Variants in AGAP1 observed in about 807,000 individuals in gnomAD.
AGAP1 encodes the protein arf-GAP with GTPase, ANK repeat and PH domain-containing protein 1.
Under a neutral mutation model 105.3 loss-of-function variants are expected in AGAP1, and 29 were observed. That is an observed-to-expected ratio of 0.28 (90% CI 0.21 to 0.38). The LOEUF (loss-of-function observed/expected upper bound fraction) is 0.38, where lower values mean the gene tolerates loss of function less well. Ranked by LOEUF, AGAP1 falls within the 10% of genes least tolerant of loss-of-function variation. The pLI, the probability that AGAP1 is intolerant of heterozygous loss-of-function variation, is 1.00. For synonymous variants in AGAP1, 509 were observed against 485.9 expected (o/e 1.05, Z -0.63); for missense variants, 998 against 1,165.1 (o/e 0.86, Z 2.09).
intron 16 of AGAP1, among the ~76,000 whole-genome samples, chr2:236,071,825 C>G (rs3768942): frequency 0.15 from 23,265 of 152,164 alleles, 2,354 homozygotes; most frequent in African/African-American, 0.28. Flanking sequence ...TCTGGAAGCT[C>G]CCAGCAGCCT....
intron 1 of AGAP1, among the ~76,000 whole-genome samples, chr2:235,697,473 G>A (rs1950050040): frequency 1.3e-5 from 2 of 152,192 alleles, no homozygotes; most frequent in Non-Finnish European, 2.9e-5. Flanking sequence ...TGAGTGACAT[G>A]GCAGGGGGGA....
At chr2:236,024,165 G>A (rs1057359079) in intron 13 of AGAP1, among the ~76,000 whole-genome samples, 2 of 151,418 alleles carry the variant, frequency 1.3e-5, no homozygotes, top group Non-Finnish European at 2.9e-5. Context: ...CAAGTAGCTG[G>A]GACTACAGGC....
intron 1 of AGAP1, among the ~76,000 whole-genome samples, chr2:235,539,551 C>A (rs1271975269): frequency 6.6e-6 from 1 of 152,112 alleles, no homozygotes; most frequent in Non-Finnish European, 1.5e-5. Flanking sequence ...ATTTTTTTCT[C>A]TTTCACCTCC....
At chr2:235,542,862 T>TA (rs998501162) in intron 1 of AGAP1, among the ~76,000 whole-genome samples, 10 of 152,176 alleles carry the variant, frequency 6.6e-5, no homozygotes, top group Non-Finnish European at 1.2e-4. Flanking sequence ...GCCCCTCCTG[T>TA]AAAAGGCTCT....
At chr2:236,077,267 C>A (rs1388080264) in intron 16 of AGAP1, among the ~76,000 whole-genome samples, 2 of 150,442 alleles carry the variant, frequency 1.3e-5, no homozygotes, top group African/African-American at 4.9e-5. Flanking sequence ...AATTTAAGAG[C>A]CTTTTTTGGG....
At chr2:235,917,882 A>C (rs960105155) in intron 11 of AGAP1, among the ~76,000 whole-genome samples, 2 of 152,244 alleles carry the variant, frequency 1.3e-5, no homozygotes, top group African/African-American at 4.8e-5. Context: ...AACTGCTCAC[A>C]CTGCAGACGC....
At chr2:235,815,568 G>C (rs778772946) in intron 9 of AGAP1, among the ~76,000 whole-genome samples, 1 of 152,158 alleles carries the variant, frequency 6.6e-6, no homozygotes, top group Non-Finnish European at 1.5e-5. Context: ...TGAGCTCTGT[G>C]TGACCGAGAG....
chr2:235,881,963 TGAAG>T (rs2050044738), intron 9 of AGAP1, among the ~76,000 whole-genome samples: 1 of 152,164 alleles, frequency 6.6e-6, no homozygotes, highest in African/African-American at 2.4e-5. Flanking sequence ...AAATCTGAAA[TGAAG>T]GAAACTGTAA....
At chr2:236,086,999 G>A (rs953163468) in intron 16 of AGAP1, among the ~76,000 whole-genome samples, 3 of 151,968 alleles carry the variant, frequency 2.0e-5, no homozygotes, top group Non-Finnish European at 2.9e-5. Context: ...GCAAACACTC[G>A]GGAAACCCAG....
chr2:235,610,611 C>T lies in AGAP1; in HGVS notation c.164-98568C>T, dbSNP rs950927458. On this transcript the variant is annotated intron_variant, in intron 1 of 17. Coordinates refer to ENST00000304032, the MANE Select transcript of AGAP1 (RefSeq NM_001037131.3). This position sits in a 1 kb window ranked among gnomAD's most constrained non-coding sequence, Gnocchi z 4.9. Reference sequence around the variant, plus strand: ...CCAAAGATCCCACCTCAGATACCATCGCATTGGGGGTTGAGCTTTAAATAC... The same window carrying T: ...CCAAAGATCCCACCTCAGATACCATTGCATTGGGGGTTGAGCTTTAAATAC... Among the ~76,000 whole-genome samples the T allele has an allele frequency of 6.6e-6, 1 of 152,178 alleles. No individual in the cohort carries two copies. The highest frequency in any genetic ancestry group is 1.5e-5 in the Non-Finnish European group (1 of 68,038).
rs1321753753 is a variant in AGAP1 at position 235,934,540 on chromosome 2, A to C, written c.1483+3617A>C. 6.6e-6 allele frequency among the ~76,000 whole-genome samples: 1 copy of C among 152,210 alleles called. No individual in the cohort carries two copies. Among genetic ancestry groups the C allele is most frequent in the Non-Finnish European group, 1.5e-5 (1 of 68,036 alleles). ...ACAACTTCCAGAAAACGTGTTTATG[A>C]ATGGATTTCAAGACTCAGCCTTGGC... On this transcript the variant is annotated intron_variant, in intron 12 of 17. Transcript: ENST00000304032. The surrounding 1 kb of genome is among the most constrained non-coding windows in gnomAD (Gnocchi z 4.9).
At chr2:235,853,072 A>G in intron 9 of AGAP1, 1 of 1,235,428 alleles carries the variant, frequency 8.1e-7, no homozygotes, top group Non-Finnish European at 1.0e-6. Context: ...TCCACAAAGG[A>G]AGGAAATCAA....
At position 235,555,595 on chromosome 2, in the gene AGAP1, G is replaced by A. The variant is rs1943948971; in HGVS notation, c.163+60746G>A. On this transcript the variant is annotated intron_variant, in intron 1 of 17. Coordinates refer to ENST00000304032, the MANE Select transcript of AGAP1 (RefSeq NM_001037131.3). This position sits in a 1 kb window ranked among gnomAD's most constrained non-coding sequence, Gnocchi z 5.1. ...GAAGAGGTAGTCATGTTTGGAGGCC[G>A]GGCTGTGCATGAGCTATGCAGGCCT... Among the ~76,000 whole-genome samples the A allele has an allele frequency of 1.3e-5, 2 of 152,312 alleles. No individual in the cohort carries two copies. The highest frequency in any genetic ancestry group is 2.1e-4 in the South Asian group (1 of 4,826).
chr2:235,707,634 C>G (rs1190488870), intron 1 of AGAP1, among the ~76,000 whole-genome samples: 1 of 139,276 alleles, frequency 7.2e-6, no homozygotes, highest in African/African-American at 2.7e-5. Context: ...GACGTGCTCC[C>G]CAGCATGTGA....
rs977787347 is a variant in AGAP1, at chr2:235,865,867, G to C, written c.1051-17478G>C. On this transcript the variant is annotated intron_variant, in intron 9 of 17. Transcript: ENST00000304032. The surrounding 1 kb of genome is among the most constrained non-coding windows in gnomAD (Gnocchi z 6.2). ...CATCGTGGATGTGAATTTGCCAGAA[G>C]TTTTCCGTTTGTGGAGGACTGGGGA... 4.6e-5 allele frequency among the ~76,000 whole-genome samples: 7 copies of C among 152,156 alleles called. No individual in the cohort carries two copies. Among genetic ancestry groups the C allele is most frequent in the African/African-American group, 1.7e-4 (7 of 41,428 alleles).
At chr2:235,896,349 G>T (rs1021365784) in intron 10 of AGAP1, among the ~76,000 whole-genome samples, 2 of 152,198 alleles carry the variant, frequency 1.3e-5, no homozygotes, top group African/African-American at 4.8e-5. Flanking sequence ...TCCATGGATG[G>T]ACACTTGCTT....
Position 235,701,549 on chromosome 2 carries a change from G to A in AGAP1, c.164-7630G>A, listed in dbSNP as rs1950262001. 6.6e-6 allele frequency among the ~76,000 whole-genome samples: 1 copy of A among 152,176 alleles called. No homozygotes were observed. Among genetic ancestry groups the A allele is most frequent in the South Asian group, 2.1e-4 (1 of 4,826 alleles). On this transcript the variant is annotated intron_variant, in intron 1 of 17. Coordinates refer to ENST00000304032, the MANE Select transcript of AGAP1 (RefSeq NM_001037131.3). This position sits in a 1 kb window ranked among gnomAD's most constrained non-coding sequence, Gnocchi z 4.1. ...TGAGGCTGCTGAAAAGGATCTTTGA[G>A]CCTGAACTTCCAGGGAAGCCTGAAA...
At position 235,519,198 on chromosome 2, in the gene AGAP1, A is replaced by T. The variant is rs564195860; in HGVS notation, c.163+24349A>T. On this transcript the variant is annotated intron_variant, in intron 1 of 17. Coordinates refer to ENST00000304032, the MANE Select transcript of AGAP1 (RefSeq NM_001037131.3). ...AGCAATCCTCCCACCTCAGCCTCCC[A>T]GGTAGCTAGGACTACAGGCGCACAC... Among the ~76,000 whole-genome samples, 306 of 152,100 alleles carry T rather than the reference A, an allele frequency of 2.0e-3. 3 individuals are homozygous for T. Among genetic ancestry groups the T allele is most frequent in the Non-Finnish European group, 5.7e-4 (39 of 67,976 alleles).
chr2:235,686,611 G>GTATATATATATATATATATATATATA (rs1949406323), intron 1 of AGAP1, among the ~76,000 whole-genome samples: 1 of 75,492 alleles, frequency 1.3e-5, no homozygotes, highest in Non-Finnish European at 2.4e-5. Flanking sequence ...ATATATACGT[G>GTATATATATATATATATATATATATA]GAGATATAGA....
Sources: gnomAD v4.1 joint callset for allele counts (sites outside exome capture counted in the v4.1 genomes callset) on GRCh38, gnomAD v4.1.1 for gene constraint, Gnocchi (gnomAD v3.1) non-coding constraint, MANE v1.5 for transcripts, NCBI Gene and HGNC (gene_info 2026-07-23, HGNC 2026-07-21) for gene names.